The following ANK3 variants were observed in gnomAD, a reference collection of about 807,000 sequenced individuals.
The protein encoded by ANK3 is ankyrin 3.
ANK3 carries 57 observed loss-of-function variants against 370.9 expected under a neutral mutation model. That is an observed-to-expected ratio of 0.15 (90% CI 0.12 to 0.19). The LOEUF (loss-of-function observed/expected upper bound fraction) is 0.19. ANK3 is among the 10% of genes least tolerant of loss of function. ANK3 has a pLI of 1.00. For synonymous variants in ANK3, 1,929 were observed against 1,946.3 expected, an observed-to-expected ratio of 0.99 and a Z score of 0.23; for missense variants, 4,439 against 5,302.1, an observed-to-expected ratio of 0.84 and a Z score of 5.06.
chr10:60,228,369 A>G (rs2097194814), intron 8 of ANK3, among the ~76,000 whole-genome samples: 1 of 152,064 alleles, frequency 6.6e-6, no homozygotes, highest in Admixed American at 6.5e-5. Flanking sequence ...CCCCGTCTCT[A>G]TTAAAAATAC....
At chr10:60,237,908 T>C (rs370514745) in intron 7 of ANK3, among the ~76,000 whole-genome samples, 28 of 152,300 alleles carry the variant, frequency 1.8e-4, no homozygotes, top group East Asian at 1.5e-3. Context: ...AACTGGTAAT[T>C]TGCAGATTAA....
At chr10:60,562,588 T>C (rs2077364117) in intron 2 of ANK3, among the ~76,000 whole-genome samples, 1 of 152,200 alleles carries the variant, frequency 6.6e-6, no homozygotes, top group Admixed American at 6.5e-5. Flanking sequence ...TTATTTTTTG[T>C]ATTTTTAGTA....
At position 60,069,019 on chromosome 10, in the gene ANK3, T is replaced by C. The variant is rs776578602; in HGVS notation, c.11862A>G (p.Val3954=). Residue 3954 remains valine (V), a synonymous_variant, in exon 37 of 44, where the codon GTA becomes GTG. Transcript: ENST00000280772. ...KQLPSKLPVK[V]RSTCVTTTTT... ...TGGTGGTAGTGACACAGGTGGATCT[T>C]ACCTTTACTGGCAACTTGGATGGAA... 4.3e-6 allele frequency: 7 copies of C among 1,613,822 alleles called. No individual in the cohort carries two copies. The African/African-American group carries it at 8.0e-5, about 18-fold the overall frequency.
At chr10:60,696,989 T>C (rs947228476) in intron 1 of ANK3, among the ~76,000 whole-genome samples, 5 of 141,716 alleles carry the variant, frequency 3.5e-5, no homozygotes, top group Non-Finnish European at 7.7e-5. Context: ...GACATGATTG[T>C]TTATCTAGAA....
chr10:60,627,457 C>A (rs181002414), intron 1 of ANK3, among the ~76,000 whole-genome samples: 96 of 151,604 alleles, frequency 6.3e-4, no homozygotes, highest in African/African-American at 2.2e-3. Flanking sequence ...CTGCCAGAAA[C>A]CTCTACACAG....
At chr10:60,716,246 T>A (rs2079786501) in intron 1 of ANK3, among the ~76,000 whole-genome samples, 2 of 152,026 alleles carry the variant, frequency 1.3e-5, no homozygotes, top group African/African-American at 4.8e-5. Context: ...TCTTGCCCTC[T>A]CAAGAAAAAC....
intron 26 of ANK3, among the ~76,000 whole-genome samples, chr10:60,111,024 C>T (rs139036727): frequency 7.1e-4 from 108 of 152,232 alleles, no homozygotes; most frequent in African/African-American, 2.5e-3. Context: ...AAAATAGGGA[C>T]GTGATAAATG....
chr10:60,196,627 T>TTAAA lies in ANK3; in HGVS notation c.1690-3_1690-2insTTTA. The TTAAA allele has an allele frequency of 1.3e-6, 2 of 1,501,352 alleles. No homozygotes were observed. Among genetic ancestry groups the TTAAA allele is most frequent in the Non-Finnish European group, 8.9e-7 (1 of 1,119,232 alleles). 93.0% of individuals were successfully genotyped at this position (1,501,352 alleles called of 1,614,324 possible). A position where few individuals can be genotyped will look rare whatever the true frequency, so the allele number is the denominator to read the frequency against. ...CACATGAAGAGGAGTAAATCCTTTC[T>TTAAA]GAAAAAAAAAAAACATAAAAATAAT... On this transcript the variant is annotated splice_polypyrimidine_tract_variant and splice_region_variant and intron_variant, in intron 14 of 43. Transcript: ENST00000280772.
At chr10:60,281,925 C>G (rs10821710) in intron 1 of ANK3, among the ~76,000 whole-genome samples, 38,291 of 152,096 alleles carry the variant, frequency 0.25, 4,974 homozygotes, top group South Asian at 0.31. Flanking sequence ...AAAAGTTCAA[C>G]TTAAACAAAG....
chr10:60,471,111 A>G (rs1268972786), intron 2 of ANK3, among the ~76,000 whole-genome samples: 1 of 152,168 alleles, frequency 6.6e-6, no homozygotes, highest in Non-Finnish European at 1.5e-5. Flanking sequence ...AAAGACCCCA[A>G]ATCACACCAT....
At position 60,603,441 on chromosome 10, in the gene ANK3, C is replaced by A. The variant is rs1213328281; in HGVS notation, c.96+11745G>T. On this transcript the variant is annotated intron_variant, in intron 2 of 43. Coordinates refer to the ANK3 transcript ENST00000373827. ...TAAAAAGGATCTTCCTATAGTAGGC[C>A]AAATTAGGAGGGAGAAATGCAAATT... 4.6e-5 allele frequency among the ~76,000 whole-genome samples: 7 copies of A among 152,108 alleles called. No homozygotes were observed. The South Asian group carries it at 1.5e-3, about 32-fold the overall frequency.
intron 2 of ANK3, among the ~76,000 whole-genome samples, chr10:60,500,581 G>A (rs573270580): frequency 6.6e-6 from 1 of 152,234 alleles, no homozygotes; most frequent in South Asian, 2.1e-4. Context: ...ATACAGTGAG[G>A]TTTTGAGATA....
chr10:60,431,794 T>C (rs2132979796), intron 2 of ANK3, among the ~76,000 whole-genome samples: 1 of 152,272 alleles, frequency 6.6e-6, no homozygotes, highest in East Asian at 1.9e-4. Context: ...ACTTAAAGTA[T>C]AATTTAAAAA....
At chr10:60,166,703 G>T in intron 22 of ANK3, 50 bp from the exon 23 acceptor site, 1 of 1,592,594 alleles carries the variant, frequency 6.3e-7, no homozygotes, top group Non-Finnish European at 8.6e-7. Context: ...ACATACTCTT[G>T]ATATTACAAC....
chr10:60,283,521 A>G lies in ANK3; in HGVS notation c.115-3882T>C, dbSNP rs553474418. Among the ~76,000 whole-genome samples the G allele has an allele frequency of 2.6e-5, 4 of 152,282 alleles. No homozygotes were observed. The East Asian group carries it at 7.7e-4, about 29-fold the overall frequency. On this transcript the variant is annotated intron_variant, in intron 1 of 43. Transcript: ENST00000280772. ...AGGAATTAGTTGCACAAAAATGAATATGAACAGGTTGTTCAGCACTTTTTT... is the reference window on the plus strand; with the variant it reads ...AGGAATTAGTTGCACAAAAATGAATGTGAACAGGTTGTTCAGCACTTTTTT...
chr10:60,191,496 A>G (rs2096481314), intron 16 of ANK3, among the ~76,000 whole-genome samples: 1 of 152,232 alleles, frequency 6.6e-6, no homozygotes, highest in Non-Finnish European at 1.5e-5. Flanking sequence ...ATCACTAATC[A>G]TCAGAGAAAT....
intron 1 of ANK3, among the ~76,000 whole-genome samples, chr10:60,386,778 T>C (rs528612944): frequency 6.6e-6 from 1 of 152,272 alleles, no homozygotes; most frequent in South Asian, 2.1e-4. Context: ...TGCAGGAGTG[T>C]CATGGACCAA....
At chr10:60,103,635 G>A (rs185807324) in intron 28 of ANK3, among the ~76,000 whole-genome samples, 116 of 152,186 alleles carry the variant, frequency 7.6e-4, no homozygotes, top group Admixed American at 3.3e-3. Flanking sequence ...TGTGTGTAGT[G>A]GTTGCTTCAT....
chr10:60,261,012 T>G (rs1566060736), intron 7 of ANK3, among the ~76,000 whole-genome samples: 1 of 152,332 alleles, frequency 6.6e-6, no homozygotes, highest in East Asian at 1.9e-4. Context: ...TTACATATGC[T>G]ATCTCTTTTA....
Sources: gnomAD v4.1 joint callset for allele counts (sites outside exome capture counted in the v4.1 genomes callset) on GRCh38, gnomAD v4.1.1 for gene constraint, MANE v1.5 for transcripts, NCBI Gene and HGNC (gene_info 2026-07-23, HGNC 2026-07-21) for gene names.